HEATR5A: variants seen among roughly 807,000 people sequenced by gnomAD.
The protein encoded by HEATR5A is HEAT repeat-containing protein 5A.
A neutral mutation model predicts 218.8 loss-of-function variants in HEATR5A; 178 were observed. The ratio of observed to expected loss-of-function variants is 0.81; its 90% confidence interval spans 0.72 to 0.92. HEATR5A has a LOEUF of 0.92. HEATR5A is among the 40% of genes least tolerant of loss of function. HEATR5A has a pLI of 0.00. For missense variants in HEATR5A, 2,420 were observed against 2,418.9 expected, an observed-to-expected ratio of 1.00 and a Z score of -0.01; for synonymous variants, 864 against 871.6, an observed-to-expected ratio of 0.99 and a Z score of 0.15.
chr14:31,293,703 A>C (rs1348442661), intron 35 of HEATR5A, 91 bp from the exon 36 acceptor site: 11 of 1,245,270 alleles, frequency 8.8e-6, no homozygotes, highest in Non-Finnish European at 1.2e-5. Flanking sequence ...ATTTTTCCCC[A>C]CTAAAGAAAA....
rs757350431 is a variant in HEATR5A, at chr14:31,326,334, T to G, written c.3376A>C (p.Ile1126Leu). 1.2e-6 allele frequency: 2 copies of G among 1,608,596 alleles called. No individual in the cohort carries two copies. Among genetic ancestry groups the G allele is most frequent in the South Asian group, 2.2e-5 (2 of 89,746 alleles). The stretch of plus-strand genomic sequence containing the variant: ...GCCCCCTCAAGGCCAACTTCTCTGA[T>G]GTTAGCATCTGACAAGAAGAAAATC... ...SREELTPDAN[I>L]REVGLEGALL... The change falls in exon 23 of 36, where the codon ATC (isoleucine) becomes CTC (leucine). Residue 1126 changes from isoleucine to leucine, a missense_variant. By Grantham distance (5) the Ile-to-Leu change is conservative. Transcript: ENST00000543095.
chr14:31,396,668 C>T (rs1214933893), intron 4 of HEATR5A, among the ~76,000 whole-genome samples: 7 of 152,086 alleles, frequency 4.6e-5, no homozygotes, highest in East Asian at 1.9e-4. Flanking sequence ...ATAATGCTAA[C>T]GAGCAACTTC....
chr14:31,303,997 G>A (rs746034857), intron 32 of HEATR5A, among the ~76,000 whole-genome samples: 6 of 151,988 alleles, frequency 3.9e-5, no homozygotes, highest in Non-Finnish European at 8.8e-5. Flanking sequence ...CTTGAGGCCA[G>A]GAGTTCAAGA....
At chr14:31,357,463 T>G (rs909747418) in intron 16 of HEATR5A, among the ~76,000 whole-genome samples, 3 of 152,184 alleles carry the variant, frequency 2.0e-5, no homozygotes, top group Non-Finnish European at 4.4e-5. Context: ...AATGAATCAG[T>G]GCGGATGACA....
intron 11 of HEATR5A, among the ~76,000 whole-genome samples, chr14:31,378,784 C>T (rs35456455): frequency 0.98 from 128,240 of 131,484 alleles, 62,623 homozygotes; most frequent in Non-Finnish European, 1. Context: ...TGAGACTCCA[C>T]CTCAAAAAAA....
chr14:31,348,941 A>T (rs1414488975), intron 18 of HEATR5A, among the ~76,000 whole-genome samples: 1 of 152,154 alleles, frequency 6.6e-6, no homozygotes, highest in South Asian at 2.1e-4. Context: ...ATATAACCAC[A>T]AAGTTTTATT....
chr14:31,334,037 CAAAAAAAA>C (rs58087742), intron 22 of HEATR5A, among the ~76,000 whole-genome samples: 18 of 87,918 alleles, frequency 2.0e-4, no homozygotes, highest in African/African-American at 7.5e-4. Flanking sequence ...GACCCTGTCT[CAAAAAAAA>C]AAAAAAAAAA....
chr14:31,384,861 T>C (rs1325587235), intron 9 of HEATR5A, among the ~76,000 whole-genome samples: 1 of 151,960 alleles, frequency 6.6e-6, no homozygotes, highest in African/African-American at 2.4e-5. Context: ...ACCATGTTGC[T>C]CTTATAAGAA....
intron 27 of HEATR5A, 21 bp from the exon 28 acceptor site, chr14:31,313,211 A>C: frequency 1.3e-6 from 2 of 1,560,090 alleles, no homozygotes; most frequent in Non-Finnish European, 1.8e-6. Flanking sequence ...TTAATTTAAA[A>C]ACAGGAAAAT....
intron 22 of HEATR5A, among the ~76,000 whole-genome samples, chr14:31,332,562 C>CTTAG (rs1410505764): frequency 6.6e-6 from 1 of 152,150 alleles, no homozygotes; most frequent in Non-Finnish European, 1.5e-5. Flanking sequence ...TTAAGTGTCT[C>CTTAG]TTAGGCCAGT....
intron 1 of HEATR5A, among the ~76,000 whole-genome samples, chr14:31,406,323 C>T (rs2031059554): frequency 6.6e-6 from 1 of 152,024 alleles, no homozygotes; most frequent in Non-Finnish European, 1.5e-5. Flanking sequence ...TAGTTAGTTG[C>T]CACTTGAAAA....
At position 31,293,905 on chromosome 14, in the gene HEATR5A, G is replaced by C. The variant is rs201915249; in HGVS notation, c.5819C>G (p.Ala1940Gly). The change falls in exon 35 of 36, where the codon GCT becomes GGT. Residue 1940 changes from alanine (A) to glycine (G), a missense_variant. By Grantham distance (60) the Ala-to-Gly change is moderately conservative. Coordinates refer to ENST00000543095, the MANE Select transcript of HEATR5A (RefSeq NM_015473.4). ...CTGACACTTACGATGGTGTTCTTCA[G>C]CAACAGTAACCAGTGTTTCTAAGAC... ...IKVLETLVTV[A>G]EEHHRAQLVA... 5.0e-5 allele frequency: 80 copies of C among 1,600,746 alleles called. No homozygotes were observed. In the African/African-American group the frequency reaches 9.1e-4, roughly 18 times the overall value.
chr14:31,316,854 AT>A (rs1407448897), intron 26 of HEATR5A, among the ~76,000 whole-genome samples: 1 of 151,914 alleles, frequency 6.6e-6, no homozygotes, highest in Non-Finnish European at 1.5e-5. Context: ...CATCTGGCTA[AT>A]TTTTTATTTT....
rs1045083065 is a variant in HEATR5A at position 31,380,587 on chromosome 14, A to G, written c.1597-9T>C. ...GCTAATGTCATAATAATCTATTTAC[A>G]TATAGAACAAGTTTTAAAAAAAGCA... On this transcript the variant is annotated splice_polypyrimidine_tract_variant and intron_variant, in intron 10 of 35. Transcript: ENST00000543095. 6.5e-6 allele frequency: 10 copies of G among 1,534,230 alleles called. No individual in the cohort carries two copies. The highest frequency in any genetic ancestry group is 8.9e-6 in the Non-Finnish European group (10 of 1,126,666).
At chr14:31,330,769 C>T (rs560373720) in intron 22 of HEATR5A, among the ~76,000 whole-genome samples, 15 of 151,290 alleles carry the variant, frequency 9.9e-5, no homozygotes, top group Admixed American at 3.9e-4. Flanking sequence ...CCAGCCTGGG[C>T]GACAGAGTGA....
Position 31,345,367 on chromosome 14 carries a change from T to C in HEATR5A, c.2869-91A>G. 4.0e-6 allele frequency: 4 copies of C among 998,388 alleles called. No homozygotes were observed. The South Asian group carries it at 6.2e-5, about 15-fold the overall frequency. The allele number at this position is 998,388 out of a possible 1,614,324, so 61.8% of individuals were successfully genotyped here. Reference sequence around the variant, plus strand: ...CTTGTTCTTTTGTTGAAGCAAGTGATAAAGTAACAGCAAATGTGAATGCTA... The same window carrying C: ...CTTGTTCTTTTGTTGAAGCAAGTGACAAAGTAACAGCAAATGTGAATGCTA... On this transcript the variant is annotated intron_variant, in intron 19 of 35. Coordinates refer to ENST00000543095, the MANE Select transcript of HEATR5A (RefSeq NM_015473.4).
intron 14 of HEATR5A, among the ~76,000 whole-genome samples, chr14:31,359,463 A>G (rs1401110799): frequency 6.6e-6 from 1 of 151,940 alleles, no homozygotes; most frequent in Admixed American, 6.6e-5. Context: ...GTGGTGGCTC[A>G]CACCTGTAAT....
rs1436134590 is a variant in HEATR5A at position 31,400,444 on chromosome 14, C to T, written c.195G>A (p.Gly65=). The T allele has an allele frequency of 3.9e-6, 6 of 1,535,858 alleles. No homozygotes were observed. The Middle Eastern group carries it at 5.0e-4, about 128-fold the overall frequency. Residue 65 remains glycine, a synonymous_variant, in exon 3 of 36, where the codon GGG becomes GGA. Transcript: ENST00000543095. ...QLLSLLNSSP[G]PPTRKLLAKN... is the part of the protein sequence containing the mutation. ...TAGCAAGCAGTTTGCGGGTAGGAGG[C>T]CCTGGGGAGCTGTTCAACAAAGACA...
At chr14:31,403,084 G>T in intron 1 of HEATR5A, 35 bp from the exon 2 acceptor site, 1 of 977,628 alleles carries the variant, frequency 1.0e-6, no homozygotes, top group Non-Finnish European at 1.4e-6. Flanking sequence ...TTTAAAAGGG[G>T]GGTAAAAAGG....
Sources: allele counts gnomAD v4.1 joint callset (sites outside exome capture counted in the v4.1 genomes callset), GRCh38; gene constraint gnomAD v4.1.1; transcripts MANE v1.5; gene names NCBI Gene and HGNC (gene_info 2026-07-23, HGNC 2026-07-21).